The following RBFOX1 variants were observed in gnomAD, a reference collection of about 807,000 sequenced individuals.
RBFOX1 encodes the protein RNA binding protein fox-1 homolog 1.
Under a neutral mutation model 57.7 loss-of-function variants are expected in RBFOX1, and 8 were observed. The ratio of observed to expected loss-of-function variants is 0.14; its 90% CI spans 0.08 to 0.25. RBFOX1 has a LOEUF of 0.25. Among genes scored for constraint, RBFOX1 ranks in the 10% least tolerant of loss-of-function variants. The pLI is 1.00. For missense variants in RBFOX1, 611 were observed against 548.5 expected, an observed-to-expected ratio of 1.11 and a Z score of -1.14; for synonymous variants, 326 against 222.4, an observed-to-expected ratio of 1.47 and a Z score of -4.15.
intron 3 of RBFOX1, among the ~76,000 whole-genome samples, chr16:5,624,655 G>A (rs2048297529): frequency 6.6e-6 from 1 of 152,226 alleles, no homozygotes; most frequent in African/African-American, 2.4e-5. Flanking sequence ...GATTCCGACT[G>A]CCAGCCACTA....
At chr16:7,607,459 T>G in intron 10 of RBFOX1, 121 bp downstream of exon 10, 2 of 940,480 alleles carry the variant, frequency 2.1e-6, no homozygotes, top group Non-Finnish European at 3.3e-6. Flanking sequence ...TAACAAGTTC[T>G]GAATGATTTC....
intron 1 of RBFOX1, among the ~76,000 whole-genome samples, chr16:5,292,311 A>G (rs1195298493): frequency 6.6e-6 from 1 of 152,146 alleles, no homozygotes; most frequent in East Asian, 1.9e-4. Flanking sequence ...AGCCAAACCC[A>G]TTTTGTGCAG....
intron 9 of RBFOX1, among the ~76,000 whole-genome samples, chr16:7,604,452 C>G (rs2095199422): frequency 6.6e-6 from 1 of 152,206 alleles, no homozygotes; most frequent in Non-Finnish European, 1.5e-5. Context: ...TTAATACTTG[C>G]AAACATGAGA....
At chr16:7,481,195 G>C (rs2151221904) in intron 4 of RBFOX1, among the ~76,000 whole-genome samples, 1 of 152,232 alleles carries the variant, frequency 6.6e-6, no homozygotes, top group Non-Finnish European at 1.5e-5. Flanking sequence ...TAACATAAAT[G>C]GAACAGAGTA....
intron 2 of RBFOX1, among the ~76,000 whole-genome samples, chr16:6,411,803 T>C (rs957971094): frequency 3.3e-5 from 5 of 152,208 alleles, no homozygotes; most frequent in African/African-American, 1.2e-4. Flanking sequence ...AGTTTTCAGA[T>C]GAAGTGATTA....
chr16:7,209,922 T>C (rs1209869963), intron 4 of RBFOX1, among the ~76,000 whole-genome samples: 2 of 152,188 alleles, frequency 1.3e-5, no homozygotes, highest in African/African-American at 4.8e-5. Flanking sequence ...TGATGCACCA[T>C]AGAGTTGATG....
At chr16:7,676,215 G>A (rs1201157801) in intron 13 of RBFOX1, among the ~76,000 whole-genome samples, 4 of 152,126 alleles carry the variant, frequency 2.6e-5, no homozygotes, top group Non-Finnish European at 5.9e-5. Flanking sequence ...TGTAATAATT[G>A]TGTAACATTT....
chr16:5,413,821 G>A (rs1452154240), intron 1 of RBFOX1, among the ~76,000 whole-genome samples: 1 of 152,134 alleles, frequency 6.6e-6, no homozygotes, highest in Non-Finnish European at 1.5e-5. Flanking sequence ...GGGTAATGGT[G>A]AGTGAGGGAC....
intron 3 of RBFOX1, among the ~76,000 whole-genome samples, chr16:6,956,545 C>T (rs1009609903): frequency 6.6e-6 from 1 of 152,076 alleles, no homozygotes; most frequent in Admixed American, 6.6e-5. Context: ...AACCTAAGGG[C>T]CAGTGGGGGC....
chr16:5,486,949 C>G lies in RBFOX1; in HGVS notation c.258+19695C>G, dbSNP rs543276975. Among the ~76,000 whole-genome samples, 152 of 152,320 alleles carry G rather than the reference C, an allele frequency of 1.0e-3. 1 individual carries two copies. The highest frequency in any genetic ancestry group is 3.6e-3 in the African/African-American group (149 of 41,568). The stretch of plus-strand genomic sequence containing the variant: ...GACCTGATTCCCTTCTTCTTCAATG[C>G]TCACCTCAGTGGAGACTCCGGTCCC... On this transcript the variant is annotated intron_variant, in intron 2 of 2. Transcript: ENST00000585867.
intron 3 of RBFOX1, among the ~76,000 whole-genome samples, chr16:5,647,531 AC>A (rs528803322): frequency 6.4e-4 from 97 of 152,240 alleles, no homozygotes; most frequent in Middle Eastern, 3.4e-3. Flanking sequence ...CACAGTAGGC[AC>A]TGAGCAAATG....
chr16:7,483,471 T>G (rs1367748503), intron 4 of RBFOX1, among the ~76,000 whole-genome samples: 1 of 152,208 alleles, frequency 6.6e-6, no homozygotes, highest in East Asian at 1.9e-4. Flanking sequence ...TTGTGGTGTC[T>G]TGGACCTAAA....
At position 6,771,577 on chromosome 16, in the gene RBFOX1, G is replaced by C. The variant is rs145658314; in HGVS notation, c.-16+116927G>C. Among the ~76,000 whole-genome samples the C allele has an allele frequency of 2.2e-3, 341 of 152,316 alleles. 3 individuals carry two copies. The highest frequency in any genetic ancestry group is 8.0e-3 in the African/African-American group (334 of 41,564). On this transcript the variant is annotated intron_variant, in intron 3 of 15. Coordinates refer to ENST00000550418, the MANE Select transcript of RBFOX1 (RefSeq NM_018723.4). ...TTGGTGTCTTCTCAGATATGATGCA[G>C]ATAGTATAGAGAGCTTTCTGATGCC...
chr16:6,403,065 G>A (rs186003244), intron 2 of RBFOX1, among the ~76,000 whole-genome samples: 30 of 152,230 alleles, frequency 2.0e-4, no homozygotes, highest in South Asian at 1.0e-3. Context: ...TGAGAGAGTC[G>A]ATTGTGTTAA....
intron 3 of RBFOX1, among the ~76,000 whole-genome samples, chr16:6,976,265 T>C (rs2086819112): frequency 6.6e-6 from 1 of 152,148 alleles, no homozygotes; most frequent in Non-Finnish European, 1.5e-5. Context: ...GTTAAGAAAC[T>C]CACCTGTACT....
At chr16:7,685,953 A>C (rs1007219902) in intron 14 of RBFOX1, among the ~76,000 whole-genome samples, 1 of 152,076 alleles carries the variant, frequency 6.6e-6, no homozygotes, top group African/African-American at 2.4e-5. Context: ...AATCTCTGTG[A>C]GGTTACTTAC....
intron 2 of RBFOX1, among the ~76,000 whole-genome samples, chr16:5,578,061 C>G (rs1167970021): frequency 6.6e-6 from 1 of 152,220 alleles, no homozygotes; most frequent in Non-Finnish European, 1.5e-5. Context: ...AAGCGGTTCT[C>G]CTGCCTCATC....
At chr16:6,612,061 T>G (rs2098066319) in intron 2 of RBFOX1, among the ~76,000 whole-genome samples, 1 of 152,202 alleles carries the variant, frequency 6.6e-6, no homozygotes, top group Non-Finnish European at 1.5e-5. Context: ...TCTTGCATTA[T>G]TCTAATATAT....
chr16:5,782,023 A>T (rs2054339899), intron 3 of RBFOX1, among the ~76,000 whole-genome samples: 1 of 152,224 alleles, frequency 6.6e-6, no homozygotes, highest in South Asian at 2.1e-4. Context: ...CTGGGCCAAC[A>T]TGGTGAAACC....
Sources: allele counts gnomAD v4.1 joint callset (sites outside exome capture counted in the v4.1 genomes callset), GRCh38; gene constraint gnomAD v4.1.1; transcripts MANE v1.5; gene names NCBI Gene and HGNC (gene_info 2026-07-23, HGNC 2026-07-21).